Variants in KANSL3 observed in about 807,000 individuals in gnomAD.
KANSL3 encodes KAT8 regulatory NSL complex subunit 3, also known as NSL complex protein NSL3.
A neutral mutation model predicts 89.2 loss-of-function variants in KANSL3; 16 were observed. That is an observed-to-expected ratio of 0.18 (90% confidence interval 0.12 to 0.27). The LOEUF is 0.27. Among genes scored for constraint, KANSL3 ranks in the 10% least tolerant of loss-of-function variants. The probability of loss-of-function intolerance (pLI) is 1.00; values close to 1 mark genes in which losing one functional copy is unlikely to be tolerated. For synonymous variants in KANSL3, 385 were observed against 419.7 expected, an observed-to-expected ratio of 0.92 and a Z score of 1.01; for missense variants, 879 against 1,110.6, an observed-to-expected ratio of 0.79 and a Z score of 2.96.
At chr2:96,610,493 T>G in intron 11 of KANSL3, 1 of 333,986 alleles carries the variant, frequency 3.0e-6, no homozygotes, top group South Asian at 4.3e-5. Context: ...TTTTTTGTAT[T>G]TTTAGTAGAG....
chr2:96,590,199 T>C (rs1364998744), downstream of KANSL3, among the ~76,000 whole-genome samples: 5 of 151,528 alleles, frequency 3.3e-5, no homozygotes, highest in East Asian at 1.9e-4. Flanking sequence ...AGAGACAATA[T>C]AGAATGCTGG....
At chr2:96,630,387 GA>G (rs2073161977) in intron 3 of KANSL3, among the ~76,000 whole-genome samples, 1 of 152,038 alleles carries the variant, frequency 6.6e-6, no homozygotes, top group African/African-American at 2.4e-5. Flanking sequence ...GATAAACCTT[GA>G]AAACATCATG....
At chr2:96,584,663 GTCC>G in the KANSL3 span, among the ~76,000 whole-genome samples, 3 of 152,270 alleles carry the variant, frequency 2.0e-5, no homozygotes, top group South Asian at 6.2e-4. Context: ...CACTTAACAT[GTCC>G]TCCAAGTTCA....
intron 5 of KANSL3, chr2:96,614,899 C>T (rs1304943611): frequency 4.6e-5 from 7 of 151,012 alleles, no homozygotes; most frequent in African/African-American, 1.7e-4. Context: ...TGTAACAAAC[C>T]TGCACGTTGT....
chr2:96,604,269 A>G lies in KANSL3; in HGVS notation c.2130T>C (p.Ser710=), dbSNP rs1246619191. The change falls in exon 17 of 21, where the codon TCT becomes TCC. Residue 710 remains serine, a synonymous_variant. Coordinates refer to ENST00000431828, the MANE Select transcript of KANSL3 (RefSeq NM_001115016.3). ...HTLQSRLVAT[S]PGSSLPGATS... is the part of the protein sequence containing the mutation. The stretch of plus-strand genomic sequence containing the variant: ...AGATACCTGGGAGGGAGCTGCCAGG[A>G]GATGTGGCCACCAGGCGGCTCTGCA... 5 of 1,609,464 alleles carry G rather than the reference A, an allele frequency of 3.1e-6. No homozygotes were observed. Among genetic ancestry groups the G allele is most frequent in the Admixed American group, 3.4e-5 (2 of 59,228 alleles).
At chr2:96,624,570 G>A (rs2071940945) in intron 3 of KANSL3, among the ~76,000 whole-genome samples, 1 of 152,164 alleles carries the variant, frequency 6.6e-6, no homozygotes, top group Non-Finnish European at 1.5e-5. Context: ...CGTCCAGGCT[G>A]GAGCGCAATG....
At position 96,594,250 on chromosome 2, in the gene KANSL3, G is replaced by A. The variant is rs2066389245; in HGVS notation, c.*1361C>T. The A allele has an allele frequency of 6.6e-6, 1 of 152,250 alleles. No individual in the cohort carries two copies. The highest frequency in any genetic ancestry group is 1.5e-5 in the Non-Finnish European group (1 of 68,070). The allele number at this position is 152,250 out of a possible 1,614,324, so 9.4% of individuals were successfully genotyped here. A position where few individuals can be genotyped will look rare whatever the true frequency, so the allele number is the denominator to read the frequency against. On this transcript the variant is annotated 3_prime_UTR_variant, in exon 21 of 21. Transcript: ENST00000431828. The stretch of plus-strand genomic sequence containing the variant: ...TGGGCCCTTCCTGCCTACAGAAAAG[G>A]ACACTTGAGTGGAGTCACACTTGGG...
chr2:96,590,403 C>G (rs1284040042), downstream of KANSL3, among the ~76,000 whole-genome samples: 1 of 151,956 alleles, frequency 6.6e-6, no homozygotes, highest in African/African-American at 2.4e-5. Flanking sequence ...AGCAATCCTT[C>G]CATTTCAGCT....
intron 5 of KANSL3, among the ~76,000 whole-genome samples, chr2:96,614,670 C>T (rs1179298260): frequency 2.0e-5 from 3 of 151,322 alleles, no homozygotes; most frequent in African/African-American, 7.3e-5. Flanking sequence ...ACTTGGGAAG[C>T]TGAGGTCCGA....
the KANSL3 span, among the ~76,000 whole-genome samples, chr2:96,586,858 T>A: frequency 6.6e-6 from 1 of 152,260 alleles, no homozygotes; most frequent in Non-Finnish European, 1.5e-5. Context: ...ATCTTCCAGT[T>A]AATTAATTCT....
In KANSL3 at chr2:96,593,501, C is replaced by T. The variant is rs762000707; in HGVS notation, c.*2110G>A. 1.1e-5 allele frequency: 4 copies of T among 362,182 alleles called. No individual in the cohort carries two copies. Among genetic ancestry groups the T allele is most frequent in the African/African-American group, 2.1e-5 (1 of 46,876 alleles). 22.4% of individuals were successfully genotyped at this position (362,182 alleles called of 1,614,324 possible). On this transcript the variant is annotated 3_prime_UTR_variant, in exon 21 of 21. Transcript: ENST00000431828. Reference sequence around the variant, plus strand: ...ATAGTTTGCGAAGGGAACTGGAAAACGTGACTCTAGGCCTCAGCCACTTCC... The same window carrying T: ...ATAGTTTGCGAAGGGAACTGGAAAATGTGACTCTAGGCCTCAGCCACTTCC...
chr2:96,610,578 G>C, intron 11 of KANSL3, 148 bp downstream of exon 11: 1 of 749,892 alleles, frequency 1.3e-6, no homozygotes, highest in Non-Finnish European at 2.1e-6. Context: ...GCCTCCCAAA[G>C]TCCTGGGATT....
intron 11 of KANSL3, among the ~76,000 whole-genome samples, chr2:96,609,950 CAAAAAAAAAAAAAA>C (rs35175492): frequency 3.2e-4 from 7 of 21,614 alleles, no homozygotes; most frequent in East Asian, 4.0e-3. Context: ...GGCGCCACCT[CAAAAAAAAAAAAAA>C]AAAAAAAAAA....
chr2:96,605,730 G>A (rs1474070072), intron 14 of KANSL3: 2 of 375,452 alleles, frequency 5.3e-6, no homozygotes, highest in Non-Finnish European at 9.8e-6. Context: ...CTTAGAGGAT[G>A]GCACCCTTCT....
In KANSL3 at chr2:96,637,088, G is replaced by A; in HGVS notation, c.48C>T (p.Arg16=). Residue 16 remains arginine, a synonymous_variant, in exon 2 of 21, where the codon CGC becomes CGT. Transcript: ENST00000431828. ...GERDFQTSAR[R]MGTSLLFQLS... is the part of the protein sequence containing the mutation. Reference sequence around the variant, plus strand: ...GCTGGAAGAGCAGCGAGGTGCCCATGCGTCGAGCTGAAGTCTGGAAGTCCC... The same window carrying A: ...GCTGGAAGAGCAGCGAGGTGCCCATACGTCGAGCTGAAGTCTGGAAGTCCC... 1 of 1,551,710 alleles carries A rather than the reference G, an allele frequency of 6.4e-7. No individual in the cohort carries two copies. Among genetic ancestry groups the A allele is most frequent in the Non-Finnish European group, 8.7e-7 (1 of 1,147,004 alleles).
At chr2:96,616,722 G>A (rs534699586) in intron 5 of KANSL3, among the ~76,000 whole-genome samples, 1 of 152,314 alleles carries the variant, frequency 6.6e-6, no homozygotes, top group South Asian at 2.1e-4. Flanking sequence ...TTGAGTCTGA[G>A]GCCCTTGCTG....
intron 6 of KANSL3, 28 bp downstream of exon 6, chr2:96,613,460 T>C (rs757874918): frequency 7.6e-6 from 12 of 1,582,470 alleles, no homozygotes; most frequent in African/African-American, 1.4e-5. Flanking sequence ...TTATGTACCA[T>C]TGTTAAGTCC....
chr2:96,600,084 A>C (rs941278053), intron 20 of KANSL3, among the ~76,000 whole-genome samples: 1 of 152,244 alleles, frequency 6.6e-6, no homozygotes, highest in Admixed American at 6.5e-5. Flanking sequence ...AGGTGGTGAA[A>C]TACATCTTCA....
chr2:96,598,786 T>C (rs1006335832), intron 20 of KANSL3, among the ~76,000 whole-genome samples: 1 of 151,918 alleles, frequency 6.6e-6, no homozygotes, highest in Non-Finnish European at 1.5e-5. Flanking sequence ...GGCATGAGCC[T>C]ATAGTCCCAG....
Sources: gnomAD v4.1 joint callset for allele counts (sites outside exome capture counted in the v4.1 genomes callset) on GRCh38, gnomAD v4.1.1 for gene constraint, MANE v1.5 for transcripts, NCBI Gene and HGNC (gene_info 2026-07-23, HGNC 2026-07-21) for gene names.